EYA2: variants seen among roughly 807,000 people sequenced by gnomAD.
EYA2 encodes protein phosphatase EYA2.
A neutral mutation model predicts 69.2 loss-of-function variants in EYA2; 31 were observed. That is an observed-to-expected ratio of 0.45 (90% CI 0.34 to 0.60). EYA2 has a LOEUF of 0.60. Ranked by LOEUF, EYA2 falls within the 20% of genes least tolerant of loss-of-function variation. The pLI, the probability that EYA2 is intolerant of heterozygous loss-of-function variation, is 0.02. For missense variants in EYA2, 622 were observed against 701.2 expected (o/e 0.89, Z 1.28); for synonymous variants, 257 against 279.4 (o/e 0.92, Z 0.80).
chr20:47,001,617 C>G, intron 3 of EYA2, 144 bp downstream of exon 3: 1 of 819,996 alleles, frequency 1.2e-6, no homozygotes, highest in East Asian at 2.6e-5. Context: ...TGAGCTTGAG[C>G]AAGTCACTCC....
chr20:47,081,651 C>T (rs972564280), intron 7 of EYA2, among the ~76,000 whole-genome samples: 11 of 151,374 alleles, frequency 7.3e-5, no homozygotes, highest in African/African-American at 2.2e-4. Flanking sequence ...TGGTGCCACA[C>T]GCCTGTGATC....
chr20:47,050,786 T>C (rs886923692), intron 5 of EYA2, among the ~76,000 whole-genome samples: 1 of 152,212 alleles, frequency 6.6e-6, no homozygotes. Flanking sequence ...CCCTTATTCC[T>C]AAGGGTATAC....
chr20:46,979,275 G>A (rs1046932894), intron 1 of EYA2, among the ~76,000 whole-genome samples: 1 of 152,098 alleles, frequency 6.6e-6, no homozygotes, highest in Non-Finnish European at 1.5e-5. Flanking sequence ...CATCTCTCGG[G>A]CTCCCCCACT....
intron 10 of EYA2, among the ~76,000 whole-genome samples, chr20:47,152,095 G>A (rs754294703): frequency 1.4e-4 from 22 of 151,980 alleles, no homozygotes; most frequent in Non-Finnish European, 2.9e-4. Flanking sequence ...TCTTCTCGAC[G>A]AAGAGCTCAG....
At chr20:46,941,791 C>T (rs970981630) in intron 1 of EYA2, among the ~76,000 whole-genome samples, 1 of 151,992 alleles carries the variant, frequency 6.6e-6, no homozygotes, top group African/African-American at 2.4e-5. Context: ...CAAAGTCTCA[C>T]TCTGTGATCC....
intron 4 of EYA2, among the ~76,000 whole-genome samples, chr20:47,014,698 A>C (rs1287011991): frequency 6.6e-6 from 1 of 151,778 alleles, no homozygotes; most frequent in Non-Finnish European, 1.5e-5. Flanking sequence ...TGCAGCAAAT[A>C]CATATGTATA....
At chr20:46,899,376 A>G (rs1983979312) in intron 1 of EYA2, among the ~76,000 whole-genome samples, 1 of 152,254 alleles carries the variant, frequency 6.6e-6, no homozygotes, top group Admixed American at 6.5e-5. Flanking sequence ...ATTCAGGAAC[A>G]CAAATACAAA....
At chr20:47,128,128 G>A (rs2033246749) in intron 9 of EYA2, among the ~76,000 whole-genome samples, 2 of 152,172 alleles carry the variant, frequency 1.3e-5, no homozygotes, top group Admixed American at 1.3e-4. Context: ...GCCCTTCGGG[G>A]GCAGCTAAAA....
intron 10 of EYA2, among the ~76,000 whole-genome samples, chr20:47,150,999 C>CA (rs1266018893): frequency 6.6e-6 from 1 of 152,046 alleles, no homozygotes; most frequent in African/African-American, 2.4e-5. Context: ...CTGGCAGTCT[C>CA]ATCCTGACAC....
chr20:47,153,250 G>A (rs900015678), intron 10 of EYA2, among the ~76,000 whole-genome samples: 3 of 151,964 alleles, frequency 2.0e-5, no homozygotes, highest in African/African-American at 7.2e-5. Flanking sequence ...TCTTACTCGT[G>A]TTTTAGGGGA....
intron 7 of EYA2, among the ~76,000 whole-genome samples, chr20:47,076,580 C>T (rs2031526341): frequency 6.6e-6 from 1 of 152,116 alleles, no homozygotes; most frequent in Non-Finnish European, 1.5e-5. Flanking sequence ...TCTGATGGCA[C>T]AATAGTTTTA....
intron 1 of EYA2, among the ~76,000 whole-genome samples, chr20:46,944,211 CA>C (rs2146266116): frequency 6.6e-6 from 1 of 152,286 alleles, no homozygotes; most frequent in East Asian, 1.9e-4. Context: ...TTTGGCCAAG[CA>C]GGTCCTGTTT....
chr20:47,038,584 CTG>C (rs768493142), intron 5 of EYA2, among the ~76,000 whole-genome samples: 3 of 151,790 alleles, frequency 2.0e-5, no homozygotes, highest in African/African-American at 2.4e-5. Context: ...CCTGAGGGGT[CTG>C]TGTGTGTGTG....
At chr20:47,169,559 C>T (rs1453146822) in intron 11 of EYA2, among the ~76,000 whole-genome samples, 1 of 152,148 alleles carries the variant, frequency 6.6e-6, no homozygotes, top group African/African-American at 2.4e-5. Context: ...TCTTGCTCAT[C>T]ACCTCAAATC....
At chr20:46,996,525 C>G (rs2146337987) in intron 2 of EYA2, among the ~76,000 whole-genome samples, 1 of 152,278 alleles carries the variant, frequency 6.6e-6, no homozygotes, top group Middle Eastern at 3.4e-3. Context: ...TCCAGGTGCA[C>G]TGGTCTCAAA....
intron 1 of EYA2, among the ~76,000 whole-genome samples, chr20:46,899,553 C>T (rs146705141): frequency 3.7e-4 from 56 of 152,302 alleles, no homozygotes; most frequent in South Asian, 3.3e-3. Context: ...TAAAACATTA[C>T]GGTAGGCGCA....
At chr20:47,016,726 C>T (rs1983435559) in intron 5 of EYA2, among the ~76,000 whole-genome samples, 1 of 152,198 alleles carries the variant, frequency 6.6e-6, no homozygotes, top group Non-Finnish European at 1.5e-5. Flanking sequence ...GCAGAGGGAA[C>T]AGCCTGTACA....
intron 9 of EYA2, among the ~76,000 whole-genome samples, chr20:47,127,774 A>G (rs1015246293): frequency 9.9e-5 from 15 of 152,144 alleles, no homozygotes; most frequent in Admixed American, 3.9e-4. Context: ...GTTGAGTCCA[A>G]TGCTTAAGAT....
chr20:47,164,442 AGGAGTGGC>A (rs1250093821), intron 10 of EYA2, among the ~76,000 whole-genome samples: 1 of 152,218 alleles, frequency 6.6e-6, no homozygotes, highest in East Asian at 1.9e-4. Flanking sequence ...GGGTGACCCC[AGGAGTGGC>A]TCCAGAGCTT....
Sources: gnomAD v4.1 joint callset for allele counts (sites outside exome capture counted in the v4.1 genomes callset) on GRCh38, gnomAD v4.1.1 for gene constraint, MANE v1.5 for transcripts, NCBI Gene and HGNC (gene_info 2026-07-23, HGNC 2026-07-21) for gene names.